SPIRE2: variants seen among roughly 807,000 people sequenced by gnomAD.
SPIRE2 encodes protein spire homolog 2.
Under a neutral mutation model 80.7 loss-of-function variants are expected in SPIRE2, and 76 were observed. The observed-to-expected ratio is 0.94, with a 90% CI of 0.78 to 1.14. SPIRE2 has a LOEUF of 1.14. Among genes scored for constraint, SPIRE2 ranks in the 50% most tolerant of loss-of-function variants. The pLI, the probability that SPIRE2 is intolerant of heterozygous loss-of-function variation, is 0.00. For synonymous variants in SPIRE2, 535 were observed against 432.6 expected (o/e 1.24, Z -2.94); for missense variants, 1,196 against 1,015.3 (o/e 1.18, Z -2.42).
rs10708235 is a variant in SPIRE2 at position 89,840,636 on chromosome 16, ATT to A, written c.245-4668_245-4667del. On this transcript the variant is annotated intron_variant, in intron 1 of 14. Transcript: ENST00000378247. ...TTGCATAAAAATAAAAAGTTTTCAA[ATT>A]TTTTTTTTTTTTTTTTTGAGATGGA... 6.7e-3 allele frequency among the ~76,000 whole-genome samples: 782 copies of A among 116,820 alleles called. 8 individuals are homozygous for A. The highest frequency in any genetic ancestry group is 0.021 in the African/African-American group (597 of 28,940). The allele number at this position is 116,820 out of a possible 152,430, so 76.6% of individuals were successfully genotyped here.
intron 1 of SPIRE2, among the ~76,000 whole-genome samples, chr16:89,829,994 A>C (rs989823133): frequency 6.6e-6 from 1 of 151,152 alleles, no homozygotes; most frequent in African/African-American, 2.4e-5. Flanking sequence ...CCATTCCTGG[A>C]GATAAGTGCA....
chr16:89,839,714 T>C (rs2041485878), intron 1 of SPIRE2, among the ~76,000 whole-genome samples: 1 of 152,156 alleles, frequency 6.6e-6, no homozygotes, highest in African/African-American at 2.4e-5. Context: ...TATGGCCTCA[T>C]CAAGATGTGT....
intron 3 of SPIRE2, among the ~76,000 whole-genome samples, chr16:89,853,856 A>C (rs753778831): frequency 6.6e-5 from 10 of 152,244 alleles, no homozygotes; most frequent in Non-Finnish European, 1.3e-4. Flanking sequence ...CTTGCCAGGC[A>C]GCAGCTCATC....
chr16:89,860,755 C>T lies in SPIRE2; in HGVS notation c.1535C>T (p.Pro512Leu). 1.3e-6 allele frequency: 2 copies of T among 1,572,448 alleles called. No individual in the cohort carries two copies. Among genetic ancestry groups the T allele is most frequent in the Non-Finnish European group, 1.7e-6 (2 of 1,160,830 alleles). ...LSNRGSSGDR[P>L]EASMTPDAKH... ...AACCGGGGCTCCTCGGGGGACAGAC[C>T]CGAGGCCTCCATGACCCCCGATGCC... The change falls in exon 10 of 15, where the codon CCC becomes CTC. Residue 512 changes from proline (P) to leucine (L), a missense_variant. By Grantham distance (98) the Pro-to-Leu change is moderately conservative. Coordinates refer to ENST00000378247, the MANE Select transcript of SPIRE2 (RefSeq NM_032451.2).
intron 1 of SPIRE2, among the ~76,000 whole-genome samples, chr16:89,837,411 C>T (rs184126306): frequency 8.0e-4 from 122 of 152,276 alleles, no homozygotes; most frequent in South Asian, 3.5e-3. Context: ...CCTCTTGGAC[C>T]GGGATTAATA....
intron 9 of SPIRE2, among the ~76,000 whole-genome samples, 183 bp downstream of exon 9, chr16:89,859,537 T>G (rs542135509): frequency 1.3e-5 from 2 of 152,308 alleles, no homozygotes; most frequent in Admixed American, 6.5e-5. Context: ...CTTGAAAACT[T>G]ACTAAGTAAT....
At chr16:89,850,945 T>A (rs1327924458) in intron 3 of SPIRE2, among the ~76,000 whole-genome samples, 2 of 152,102 alleles carry the variant, frequency 1.3e-5, no homozygotes, top group Non-Finnish European at 2.9e-5. Context: ...CAAGCAATTC[T>A]CCTGCCACAG....
intron 1 of SPIRE2, among the ~76,000 whole-genome samples, chr16:89,833,385 A>C (rs1386223382): frequency 6.6e-6 from 1 of 152,152 alleles, no homozygotes; most frequent in African/African-American, 2.4e-5. Flanking sequence ...TCAGCCTCCA[A>C]AAGTGCTGGG....
chr16:89,856,447 A>G (rs2041692620), intron 7 of SPIRE2, among the ~76,000 whole-genome samples: 2 of 151,574 alleles, frequency 1.3e-5, no homozygotes, highest in Admixed American at 1.3e-4. Flanking sequence ...AAAATTATAT[A>G]TATATATATT....
At chr16:89,848,917 T>G (rs2041593056) in intron 2 of SPIRE2, among the ~76,000 whole-genome samples, 1 of 136,426 alleles carries the variant, frequency 7.3e-6, no homozygotes, top group South Asian at 2.2e-4. Flanking sequence ...TTCCAGGGCC[T>G]TCTGCAGTGT....
rs541123560 is a variant in SPIRE2, at chr16:89,870,508, G to C, written c.*236G>C. ...CTCAGGATTCCTTGCCAGGGAGGAA[G>C]GGGAGGGAACAGGGTGGGTTTTCTC... is the stretch of plus-strand genomic sequence containing the variant. On this transcript the variant is annotated 3_prime_UTR_variant, in exon 15 of 15. Transcript: ENST00000378247. 53 of 484,896 alleles carry C rather than the reference G, an allele frequency of 1.1e-4. 1 individual carries two copies. In the South Asian group the frequency reaches 1.2e-3, roughly 11 times the overall value. The allele number at this position is 484,896 out of a possible 1,614,324, so 30.0% of individuals were successfully genotyped here.
At chr16:89,859,809 G>A (rs185213532) in intron 9 of SPIRE2, among the ~76,000 whole-genome samples, 214 of 152,194 alleles carry the variant, frequency 1.4e-3, no homozygotes, top group African/African-American at 4.8e-3. Context: ...GTGCAGGGCT[G>A]GTCCTACCAC....
In SPIRE2 at chr16:89,869,045, A is replaced by ACATATATATATATATATATATAT. The variant is rs1185522189; in HGVS notation, c.1807-522_1807-521insCATATATATATATATATATATAT. ...GATCTGTGTCTTAAAAAAAAAAAAA[A>ACATATATATATATATATATATAT]AAAAAAAAATATATATATATATATA... On this transcript the variant is annotated intron_variant, in intron 13 of 14. Transcript: ENST00000378247. Among the ~76,000 whole-genome samples, 11 of 37,178 alleles carry ACATATATATATATATATATATAT rather than the reference A, an allele frequency of 3.0e-4. 1 individual carries two copies. The East Asian group carries it at 0.012, about 40-fold the overall frequency. 24.4% of individuals were successfully genotyped at this position (37,178 alleles called of 152,430 possible). A position where few individuals can be genotyped will look rare whatever the true frequency, so the allele number is the denominator to read the frequency against.
chr16:89,844,350 A>ACTT (rs2041536582), intron 1 of SPIRE2, among the ~76,000 whole-genome samples: 1 of 150,866 alleles, frequency 6.6e-6, no homozygotes, highest in South Asian at 2.1e-4. Flanking sequence ...TGTATTTTGT[A>ACTT]CTTTTAGTAG....
chr16:89,855,365 G>A (rs375806711), intron 5 of SPIRE2, among the ~76,000 whole-genome samples: 3 of 152,266 alleles, frequency 2.0e-5, no homozygotes, highest in African/African-American at 7.2e-5. Context: ...AGGTGCTAGA[G>A]GCTGGGGCAG....
intron 1 of SPIRE2, among the ~76,000 whole-genome samples, chr16:89,840,526 GCA>G (rs1567670520): frequency 6.6e-6 from 1 of 151,286 alleles, no homozygotes; most frequent in Non-Finnish European, 1.5e-5. Flanking sequence ...TGGATTACAG[GCA>G]TGAGCCACCA....
chr16:89,848,173 C>G (rs2041582019), intron 2 of SPIRE2, among the ~76,000 whole-genome samples: 1 of 152,250 alleles, frequency 6.6e-6, no homozygotes, highest in Non-Finnish European at 1.5e-5. Context: ...CCCTCTGTCA[C>G]TGTGCCCAGG....
chr16:89,837,508 A>G (rs2041461512), intron 1 of SPIRE2, among the ~76,000 whole-genome samples: 1 of 152,052 alleles, frequency 6.6e-6, no homozygotes, highest in Non-Finnish European at 1.5e-5. Context: ...TGACGCTGTC[A>G]CCTCTCAGCT....
chr16:89,867,240 G>A (rs1452200091), intron 12 of SPIRE2, among the ~76,000 whole-genome samples: 2 of 151,822 alleles, frequency 1.3e-5, no homozygotes, highest in Non-Finnish European at 2.9e-5. Context: ...CGCCTCCTGG[G>A]TTCAAGCAAT....
Sources: allele counts gnomAD v4.1 joint callset (sites outside exome capture counted in the v4.1 genomes callset), GRCh38; gene constraint gnomAD v4.1.1; transcripts MANE v1.5; gene names NCBI Gene and HGNC (gene_info 2026-07-23, HGNC 2026-07-21).